Variants in CDYL2 observed in about 807,000 individuals in gnomAD.
CDYL2 encodes chromodomain Y-like protein 2.
Under a neutral mutation model 49.4 loss-of-function variants are expected in CDYL2, and 23 were observed. That is an observed-to-expected ratio of 0.47 (90% CI 0.34 to 0.66). CDYL2 has a LOEUF of 0.66. Ranked by LOEUF, CDYL2 falls within the 30% of genes least tolerant of loss-of-function variation. CDYL2 has a pLI of 0.01. For missense variants in CDYL2, 678 were observed against 656.4 expected, an observed-to-expected ratio of 1.03 and a Z score of -0.36; for synonymous variants, 360 against 268.8, an observed-to-expected ratio of 1.34 and a Z score of -3.32.
intron 1 of CDYL2, chr16:80,738,516 C>T (rs940123656): frequency 2.6e-5 from 4 of 152,116 alleles, no homozygotes; most frequent in African/African-American, 9.7e-5. Flanking sequence ...ACACAAGAGA[C>T]TATACATTGT....
intron 1 of CDYL2, among the ~76,000 whole-genome samples, chr16:80,778,900 A>G (rs1450326169): frequency 1.3e-5 from 2 of 152,146 alleles, no homozygotes; most frequent in African/African-American, 4.8e-5. Context: ...GACTCATTTA[A>G]TAAGTGGACT....
rs1297070789 is a variant in CDYL2 at position 80,602,331 on chromosome 16, T to G, written c.*2057A>C. The G allele has an allele frequency of 1.3e-5, 2 of 152,080 alleles. No individual in the cohort carries two copies. The highest frequency in any genetic ancestry group is 4.8e-5 in the African/African-American group (2 of 41,402). The allele number at this position is 152,080 out of a possible 1,614,324, so 9.4% of individuals were successfully genotyped here. ...AGGGGAGGGTGCACAGGACTTTAAT[T>G]CCATCCTCCTCTGGCTGAAGGAGAG... On this transcript the variant is annotated 3_prime_UTR_variant, in exon 7 of 7. Coordinates refer to ENST00000570137, the MANE Select transcript of CDYL2 (RefSeq NM_152342.4).
At chr16:80,670,534 T>A (rs1004012001) in intron 2 of CDYL2, among the ~76,000 whole-genome samples, 1 of 152,152 alleles carries the variant, frequency 6.6e-6, no homozygotes, top group Non-Finnish European at 1.5e-5. Flanking sequence ...TGTGTCTTCA[T>A]TAGCAACTTG....
intron 2 of CDYL2, among the ~76,000 whole-genome samples, chr16:80,673,746 T>C (rs921828861): frequency 2.6e-5 from 4 of 152,168 alleles, no homozygotes; most frequent in African/African-American, 9.7e-5. Flanking sequence ...GACCTATGAA[T>C]GTGGTACCTG....
At chr16:80,699,761 G>C (rs1225537450) in intron 1 of CDYL2, among the ~76,000 whole-genome samples, 2 of 152,032 alleles carry the variant, frequency 1.3e-5, no homozygotes, top group African/African-American at 4.8e-5. Context: ...TATATGTATT[G>C]AAATATACTA....
chr16:80,712,206 T>TAC (rs1159620818), intron 1 of CDYL2, among the ~76,000 whole-genome samples: 1 of 126,594 alleles, frequency 7.9e-6, no homozygotes, highest in East Asian at 2.0e-4. Flanking sequence ...TATATATATA[T>TAC]ATATATATAT....
intron 3 of CDYL2, chr16:80,627,771 G>A (rs1907367283): frequency 6.6e-6 from 1 of 152,228 alleles, no homozygotes; most frequent in Non-Finnish European, 1.5e-5. Flanking sequence ...CTTCTGGGAT[G>A]TGATTCTATA....
intron 1 of CDYL2, among the ~76,000 whole-genome samples, chr16:80,743,397 C>A (rs16953932): frequency 0.028 from 4,202 of 152,234 alleles, 203 homozygotes; most frequent in African/African-American, 0.098. Flanking sequence ...TCTTTATTTG[C>A]AGTCTAAATC....
chr16:80,694,894 G>A (rs747116721), intron 1 of CDYL2, among the ~76,000 whole-genome samples: 3 of 152,160 alleles, frequency 2.0e-5, no homozygotes, highest in Non-Finnish European at 2.9e-5. Flanking sequence ...CCACAATGAC[G>A]GGAATATATC....
chr16:80,714,245 G>T (rs1160817516), intron 1 of CDYL2, among the ~76,000 whole-genome samples: 4 of 151,974 alleles, frequency 2.6e-5, no homozygotes, highest in Non-Finnish European at 5.9e-5. Context: ...TGCAAGCTGG[G>T]GGATACCTGT....
chr16:80,797,793 A>T (rs1907810860), intron 1 of CDYL2, among the ~76,000 whole-genome samples: 1 of 151,798 alleles, frequency 6.6e-6, no homozygotes, highest in African/African-American at 2.4e-5. Context: ...CGCCATTACC[A>T]CTCCCTTAGT....
At chr16:80,632,819 G>T (rs1597136431) in intron 3 of CDYL2, 200 bp downstream of exon 3, 1 of 559,468 alleles carries the variant, frequency 1.8e-6, no homozygotes, top group East Asian at 3.1e-5. Flanking sequence ...AGATGAGAGG[G>T]TATCATTACA....
intron 1 of CDYL2, among the ~76,000 whole-genome samples, chr16:80,766,584 G>A (rs1567600289): frequency 1.3e-5 from 2 of 152,120 alleles, no homozygotes; most frequent in East Asian, 1.9e-4. Flanking sequence ...ACAACCCAAT[G>A]AGGCAGGCAC....
At chr16:80,773,861 G>C (rs1004696331) in intron 1 of CDYL2, among the ~76,000 whole-genome samples, 6 of 151,662 alleles carry the variant, frequency 4.0e-5, no homozygotes, top group East Asian at 3.9e-4. Flanking sequence ...ACCATGTCAA[G>C]AATTTTTTTA....
chr16:80,712,368 C>G (rs550688824), intron 1 of CDYL2, among the ~76,000 whole-genome samples: 1 of 151,906 alleles, frequency 6.6e-6, no homozygotes, highest in African/African-American at 2.4e-5. Flanking sequence ...GCCTGGTGTC[C>G]TTTGTGTACC....
At chr16:80,710,983 G>A (rs545994010) in intron 1 of CDYL2, among the ~76,000 whole-genome samples, 1 of 152,306 alleles carries the variant, frequency 6.6e-6, no homozygotes, top group South Asian at 2.1e-4. Flanking sequence ...ACTACAGCTG[G>A]TAATCTTCAG....
intron 1 of CDYL2, among the ~76,000 whole-genome samples, chr16:80,740,730 A>G (rs996644727): frequency 6.6e-6 from 1 of 152,116 alleles, no homozygotes; most frequent in African/African-American, 2.4e-5. Flanking sequence ...AAAATATAGT[A>G]GAAAAAAAGT....
At chr16:80,646,666 G>T (rs1402136830) in intron 2 of CDYL2, among the ~76,000 whole-genome samples, 1 of 152,106 alleles carries the variant, frequency 6.6e-6, no homozygotes, top group Non-Finnish European at 1.5e-5. Flanking sequence ...GCGTGTGCCT[G>T]TAATCCCAGG....
chr16:80,639,311 A>C (rs1907976979), intron 2 of CDYL2, among the ~76,000 whole-genome samples: 1 of 152,212 alleles, frequency 6.6e-6, no homozygotes, highest in African/African-American at 2.4e-5. Context: ...AAAAAGCTAA[A>C]CTAGTCTTAC....
Sources: gnomAD v4.1 joint callset for allele counts (sites outside exome capture counted in the v4.1 genomes callset) on GRCh38, gnomAD v4.1.1 for gene constraint, MANE v1.5 for transcripts, NCBI Gene and HGNC (gene_info 2026-07-23, HGNC 2026-07-21) for gene names.